The following NUGGC variants were observed in gnomAD, a reference collection of about 807,000 sequenced individuals.
NUGGC encodes nuclear GTPase, germinal center associated, also known as nuclear GTPase SLIP-GC.
Under a neutral mutation model 92.6 loss-of-function variants are expected in NUGGC, and 58 were observed. That is an observed-to-expected ratio of 0.63 (90% CI 0.51 to 0.78). The LOEUF is 0.78. Ranked by LOEUF, NUGGC falls within the 30% of genes least tolerant of loss-of-function variation. The pLI is 0.00. For synonymous variants in NUGGC, 376 were observed against 366.4 expected, an observed-to-expected ratio of 1.03 and a Z score of -0.30; for missense variants, 925 against 964.6, an observed-to-expected ratio of 0.96 and a Z score of 0.54.
chr8:28,082,375 G>A (rs972751466), intron 1 of NUGGC, among the ~76,000 whole-genome samples: 2 of 152,172 alleles, frequency 1.3e-5, no homozygotes, highest in Admixed American at 6.5e-5. Context: ...CTAGCGAAAC[G>A]AATTTGAATC....
intron 7 of NUGGC, among the ~76,000 whole-genome samples, chr8:28,063,410 G>C (rs1002515792): frequency 2.0e-5 from 3 of 152,184 alleles, no homozygotes; most frequent in South Asian, 4.1e-4. Context: ...TCTCTCGGCC[G>C]GGCCTGGAAC....
At chr8:28,046,733 T>C (rs1182217559) in intron 11 of NUGGC, among the ~76,000 whole-genome samples, 1 of 148,092 alleles carries the variant, frequency 6.8e-6, no homozygotes, top group African/African-American at 2.5e-5. Context: ...CAGACTGGAG[T>C]TCAATGGTGC....
intron 3 of NUGGC, 37 bp downstream of exon 3, chr8:28,070,215 C>A (rs773093398): frequency 2.1e-5 from 32 of 1,518,602 alleles, no homozygotes; most frequent in Non-Finnish European, 2.7e-5. Context: ...TGGAACAGAA[C>A]CGAACCATGT....
At chr8:28,070,752 C>A (rs1478144389) in intron 2 of NUGGC, among the ~76,000 whole-genome samples, 2 of 151,150 alleles carry the variant, frequency 1.3e-5, no homozygotes, top group African/African-American at 2.4e-5. Context: ...CACACCATCA[C>A]ACCTGGCAAA....
intron 2 of NUGGC, among the ~76,000 whole-genome samples, chr8:28,073,804 C>CATT (rs1320607105): frequency 6.6e-6 from 1 of 152,022 alleles, no homozygotes; most frequent in East Asian, 1.9e-4. Context: ...CTTTCTGGAA[C>CATT]ATTATTATTA....
chr8:28,066,632 A>G (rs1405939474), intron 6 of NUGGC, among the ~76,000 whole-genome samples: 1 of 152,248 alleles, frequency 6.6e-6, no homozygotes, highest in Admixed American at 6.5e-5. Flanking sequence ...TACAAGAAAA[A>G]CTAGGTTTTT....
At chr8:28,069,315 T>C (rs928850726) in intron 4 of NUGGC, among the ~76,000 whole-genome samples, 1 of 152,140 alleles carries the variant, frequency 6.6e-6, no homozygotes, top group African/African-American at 2.4e-5. Context: ...TCCTACTTTA[T>C]AGGAGTGTTG....
intron 13 of NUGGC, among the ~76,000 whole-genome samples, chr8:28,039,709 G>A (rs1809644688): frequency 6.6e-6 from 1 of 152,086 alleles, no homozygotes; most frequent in Admixed American, 6.5e-5. Context: ...AACTTTCCAA[G>A]GCCCACTAAA....
At chr8:28,072,309 G>A (rs1467826107) in intron 2 of NUGGC, among the ~76,000 whole-genome samples, 1 of 152,206 alleles carries the variant, frequency 6.6e-6, no homozygotes, top group Non-Finnish European at 1.5e-5. Context: ...CTTGGTGGCT[G>A]GAGCTGGAGA....
In NUGGC at chr8:28,067,706, C is replaced by A. The variant is rs577874752; in HGVS notation, c.519G>T (p.Leu173=). 29 of 1,613,828 alleles carry A rather than the reference C, an allele frequency of 1.8e-5. No homozygotes were observed. The highest frequency in any genetic ancestry group is 2.5e-5 in the Non-Finnish European group (29 of 1,179,832). The change falls in exon 6 of 19, where the codon CTG becomes CTT. Residue 173 remains leucine (L), a synonymous_variant. Coordinates refer to ENST00000413272, the MANE Select transcript of NUGGC (RefSeq NM_001010906.2). ...REELKNLTKL[L]HRTEELSREE... ...CTCTGCTCAGCTCCTCCGTCCTATG[C>A]AGGAGTTTGGTCAGGTTCTTCAGCT...
At chr8:28,025,900 C>T (rs928697167) in intron 18 of NUGGC, among the ~76,000 whole-genome samples, 5 of 152,172 alleles carry the variant, frequency 3.3e-5, no homozygotes, top group Admixed American at 3.3e-4. Flanking sequence ...TCCTACCCTC[C>T]AGCCTTCCAG....
chr8:28,033,430 A>T, intron 14 of NUGGC, 110 bp downstream of exon 14: 1 of 1,055,882 alleles, frequency 9.5e-7, no homozygotes. Flanking sequence ...TTCCTTCTCC[A>T]GTTACAAGCT....
Position 28,023,354 on chromosome 8 carries a change from G to A in NUGGC, c.2354C>T (p.Ser785Phe), listed in dbSNP as rs369859443. ...CCCGGGGGGGCCAGCCTTGCTGGGG[G>A]ATGCCCTTAGGAGGAATTCTTGCAT... ...KGMQEFLLRA[S>F]PSKAGPPGTS... is the part of the protein sequence containing the mutation. Residue 785 changes from serine to phenylalanine, a missense_variant, in exon 19 of 19, where the codon TCC becomes TTC. Transcript: ENST00000413272. 6.2e-7 allele frequency: 1 copy of A among 1,613,934 alleles called. No individual in the cohort carries two copies. Among genetic ancestry groups the A allele is most frequent in the East Asian group, 2.2e-5 (1 of 44,864 alleles).
intron 2 of NUGGC, among the ~76,000 whole-genome samples, chr8:28,073,740 T>C (rs1427350980): frequency 6.6e-6 from 1 of 152,098 alleles, no homozygotes; most frequent in Admixed American, 6.5e-5. Flanking sequence ...CCTAACGTCA[T>C]TCCAGGGGTC....
intron 6 of NUGGC, 59 bp downstream of exon 6, chr8:28,067,455 T>A: frequency 1.8e-6 from 2 of 1,118,176 alleles, no homozygotes; most frequent in Non-Finnish European, 2.7e-6. Flanking sequence ...CTGAAACAGG[T>A]TCAACTGTTA....
At chr8:28,063,156 C>A (rs566227423) in intron 7 of NUGGC, among the ~76,000 whole-genome samples, 1 of 152,280 alleles carries the variant, frequency 6.6e-6, no homozygotes, top group South Asian at 2.1e-4. Context: ...CTGTGTCGTT[C>A]TCCCTGCAGA....
chr8:28,050,880 A>AT (rs769343402), intron 10 of NUGGC, among the ~76,000 whole-genome samples: 1 of 151,920 alleles, frequency 6.6e-6, no homozygotes, highest in Admixed American at 6.6e-5. Flanking sequence ...ATCATGACTC[A>AT]TTTTTTAAAT....
chr8:28,031,112 G>T, intron 15 of NUGGC, 131 bp downstream of exon 15: 2 of 984,616 alleles, frequency 2.0e-6, no homozygotes, highest in Non-Finnish European at 3.1e-6. Flanking sequence ...ATTTCACAGC[G>T]CCTCCTAGGA....
chr8:28,058,748 G>C (rs534859788), intron 8 of NUGGC, among the ~76,000 whole-genome samples: 2 of 151,806 alleles, frequency 1.3e-5, no homozygotes, highest in East Asian at 3.9e-4. Context: ...TGTTGCCCAG[G>C]CTGGAGTGCA....
Sources: gnomAD v4.1 joint callset for allele counts (sites outside exome capture counted in the v4.1 genomes callset) on GRCh38, gnomAD v4.1.1 for gene constraint, MANE v1.5 for transcripts, NCBI Gene and HGNC (gene_info 2026-07-23, HGNC 2026-07-21) for gene names.